The following XKR4 variants were observed in gnomAD, a reference collection of about 807,000 sequenced individuals.
XKR4 encodes XK-related protein 4.
In XKR4, 12 loss-of-function variants were observed where a neutral mutation model predicts 53.9. That is an observed-to-expected ratio of 0.22 (90% CI 0.14 to 0.36). The LOEUF (loss-of-function observed/expected upper bound fraction) is 0.36. Ranked by LOEUF, XKR4 falls within the 10% of genes least tolerant of loss-of-function variation. XKR4 has a pLI of 1.00. For synonymous variants in XKR4, 354 were observed against 362.4 expected, an observed-to-expected ratio of 0.98 and a Z score of 0.26; for missense variants, 799 against 859.5, an observed-to-expected ratio of 0.93 and a Z score of 0.88.
intron 1 of XKR4, among the ~76,000 whole-genome samples, chr8:55,159,908 C>T (rs1337663597): frequency 6.6e-6 from 1 of 152,144 alleles, no homozygotes; most frequent in Non-Finnish European, 1.5e-5. Context: ...GGAAAGTTGA[C>T]ATGATGCTAG....
At chr8:55,470,659 C>A (rs530070184) in intron 2 of XKR4, among the ~76,000 whole-genome samples, 4 of 152,134 alleles carry the variant, frequency 2.6e-5, no homozygotes, top group Non-Finnish European at 1.5e-5. Context: ...GGCAAGCCCC[C>A]AGTTGTGAAG....
chr8:55,284,873 C>T (rs1818887749), intron 1 of XKR4, among the ~76,000 whole-genome samples: 3 of 152,184 alleles, frequency 2.0e-5, no homozygotes, highest in Admixed American at 1.3e-4. Context: ...TCACAATCTA[C>T]ATCTGATCCA....
At chr8:55,447,062 A>G (rs570055336) in intron 2 of XKR4, among the ~76,000 whole-genome samples, 1 of 152,178 alleles carries the variant, frequency 6.6e-6, no homozygotes, top group African/African-American at 2.4e-5. Context: ...TGGGAAAAAA[A>G]AAAAAAAAAG....
chr8:55,295,583 G>A (rs1415304393), intron 1 of XKR4, among the ~76,000 whole-genome samples: 1 of 152,192 alleles, frequency 6.6e-6, no homozygotes, highest in Non-Finnish European at 1.5e-5. Context: ...CAAAGGCATG[G>A]TGGGAAATAT....
At chr8:55,484,693 T>A (rs2129401567) in intron 2 of XKR4, among the ~76,000 whole-genome samples, 1 of 152,344 alleles carries the variant, frequency 6.6e-6, no homozygotes, top group Middle Eastern at 3.4e-3. Context: ...GACATTTGAA[T>A]CATTAGATTG....
At chr8:55,206,634 G>T (rs1338800484) in intron 1 of XKR4, among the ~76,000 whole-genome samples, 1 of 152,118 alleles carries the variant, frequency 6.6e-6, no homozygotes, top group Non-Finnish European at 1.5e-5. Flanking sequence ...CTCAAAAAGA[G>T]AAACTATCAG....
chr8:55,459,865 G>C (rs1342215234), intron 2 of XKR4, among the ~76,000 whole-genome samples: 1 of 151,824 alleles, frequency 6.6e-6, no homozygotes, highest in Non-Finnish European at 1.5e-5. Context: ...AGTTTGATGG[G>C]GTTTTTTAAA....
intron 1 of XKR4, among the ~76,000 whole-genome samples, chr8:55,173,547 CT>C (rs1201326307): frequency 6.6e-6 from 1 of 152,142 alleles, no homozygotes; most frequent in Non-Finnish European, 1.5e-5. Context: ...CCTCCAACAC[CT>C]TTTCTGGTCT....
chr8:55,133,107 C>A (rs1243633313), intron 1 of XKR4, among the ~76,000 whole-genome samples: 4 of 152,048 alleles, frequency 2.6e-5, no homozygotes, highest in South Asian at 4.1e-4. Context: ...CAAAAAGGGG[C>A]CTTGTTTGTC....
At chr8:55,249,354 G>A (rs1189324504) in intron 1 of XKR4, among the ~76,000 whole-genome samples, 1 of 152,164 alleles carries the variant, frequency 6.6e-6, no homozygotes, top group Non-Finnish European at 1.5e-5. Context: ...AGCAACATCA[G>A]TCTCCTTTCT....
intron 2 of XKR4, among the ~76,000 whole-genome samples, chr8:55,367,060 C>T (rs979058965): frequency 1.3e-5 from 2 of 152,172 alleles, no homozygotes; most frequent in Non-Finnish European, 1.5e-5. Flanking sequence ...CAGAAAAGTA[C>T]ACAGTTGTGA....
chr8:55,289,219 T>C (rs1336384812), intron 1 of XKR4, among the ~76,000 whole-genome samples: 2 of 152,048 alleles, frequency 1.3e-5, no homozygotes, highest in Non-Finnish European at 2.9e-5. Flanking sequence ...GGTTTAGTTT[T>C]ATAGGAAATT....
chr8:55,113,037 A>C (rs1044645691), intron 1 of XKR4, among the ~76,000 whole-genome samples: 2 of 152,088 alleles, frequency 1.3e-5, no homozygotes, highest in Non-Finnish European at 2.9e-5. Flanking sequence ...TGAAAACTTG[A>C]GTTCTAGAGG....
At chr8:55,164,292 A>G (rs1400987106) in intron 1 of XKR4, 4 of 455,818 alleles carry the variant, frequency 8.8e-6, no homozygotes, top group Non-Finnish European at 1.8e-5. Flanking sequence ...CCATTCTCCT[A>G]GTGGGCAGGA....
chr8:55,446,198 C>T (rs189843386), intron 2 of XKR4, among the ~76,000 whole-genome samples: 8 of 152,284 alleles, frequency 5.3e-5, no homozygotes, highest in African/African-American at 1.7e-4. Flanking sequence ...TCAACCATCA[C>T]GTGGAGGTAC....
At chr8:55,128,224 A>G (rs979510633) in intron 1 of XKR4, among the ~76,000 whole-genome samples, 2 of 152,032 alleles carry the variant, frequency 1.3e-5, no homozygotes, top group African/African-American at 2.4e-5. Context: ...CTATTTCTTG[A>G]CATCCTCTCC....
At chr8:55,300,412 G>A (rs1372327051) in intron 1 of XKR4, among the ~76,000 whole-genome samples, 1 of 152,118 alleles carries the variant, frequency 6.6e-6, no homozygotes. Flanking sequence ...TTTATTTCTG[G>A]GTGATGACTA....
chr8:55,504,066 A>G (rs77198093), intron 2 of XKR4, among the ~76,000 whole-genome samples: 1,772 of 152,244 alleles, frequency 0.012, 29 homozygotes, highest in African/African-American at 0.041. Context: ...CTACTTGGTC[A>G]TGGTACAAAA....
At chr8:55,370,800 G>A (rs1804060804) in intron 2 of XKR4, among the ~76,000 whole-genome samples, 2 of 152,134 alleles carry the variant, frequency 1.3e-5, no homozygotes, top group African/African-American at 4.8e-5. Flanking sequence ...CATGATGGGG[G>A]CAGCACTCCA....
Sources: allele counts gnomAD v4.1 joint callset (sites outside exome capture counted in the v4.1 genomes callset), GRCh38; gene constraint gnomAD v4.1.1; transcripts MANE v1.5; gene names NCBI Gene and HGNC (gene_info 2026-07-23, HGNC 2026-07-21).